PRKG1: variants seen among roughly 807,000 people sequenced by gnomAD.
PRKG1 encodes cGMP-dependent protein kinase 1.
PRKG1 carries 35 observed loss-of-function variants against 88.1 expected under a neutral mutation model. That is an observed-to-expected ratio of 0.40 (90% CI 0.30 to 0.53). The LOEUF (loss-of-function observed/expected upper bound fraction) is 0.53, where lower values mean the gene tolerates loss of function less well. Among genes scored for constraint, PRKG1 ranks in the 20% least tolerant of loss-of-function variants. PRKG1 has a pLI of 0.59. For missense variants in PRKG1, 540 were observed against 839.8 expected (o/e 0.64, Z 4.41); for synonymous variants, 303 against 292.5 (o/e 1.04, Z -0.37).
intron 3 of PRKG1, among the ~76,000 whole-genome samples, chr10:51,745,894 G>T (rs577172748): frequency 6.6e-6 from 1 of 152,210 alleles, no homozygotes; most frequent in South Asian, 2.1e-4. Context: ...ACCCAGGCTG[G>T]AGTGCAATGG....
At chr10:52,239,318 T>C (rs1289442642) in intron 9 of PRKG1, among the ~76,000 whole-genome samples, 2 of 128,924 alleles carry the variant, frequency 1.6e-5, no homozygotes, top group African/African-American at 2.8e-5. Context: ...ACTTAAAGTA[T>C]AATAAAAAAA....
At chr10:51,765,179 G>T (rs1050509528) in intron 3 of PRKG1, among the ~76,000 whole-genome samples, 1 of 152,098 alleles carries the variant, frequency 6.6e-6, no homozygotes, top group Non-Finnish European at 1.5e-5. Flanking sequence ...CTTTTAGAGG[G>T]TATACCTTAA....
At chr10:51,145,024 A>G (rs1360585209) in intron 1 of PRKG1, among the ~76,000 whole-genome samples, 7 of 82,642 alleles carry the variant, frequency 8.5e-5, no homozygotes, top group Admixed American at 7.3e-4. Context: ...GTCAACAAGC[A>G]TCTTAACAGA....
At chr10:51,204,015 G>T (rs966156930) in intron 2 of PRKG1, among the ~76,000 whole-genome samples, 1 of 152,118 alleles carries the variant, frequency 6.6e-6, no homozygotes, top group Non-Finnish European at 1.5e-5. Context: ...GGAAAGAAAA[G>T]ATTTATTGGA....
chr10:51,526,188 A>G (rs1841879720), intron 3 of PRKG1, among the ~76,000 whole-genome samples: 1 of 152,214 alleles, frequency 6.6e-6, no homozygotes, highest in Non-Finnish European at 1.5e-5. Flanking sequence ...AAAAACATAC[A>G]AATCCAATTT....
intron 2 of PRKG1, among the ~76,000 whole-genome samples, chr10:51,249,311 A>G (rs957292534): frequency 3.3e-5 from 5 of 151,910 alleles, no homozygotes; most frequent in Admixed American, 2.0e-4. Context: ...ATATTATAGA[A>G]TTATCAACAT....
At chr10:52,006,290 C>T (rs773643176) in intron 5 of PRKG1, among the ~76,000 whole-genome samples, 3 of 151,770 alleles carry the variant, frequency 2.0e-5, no homozygotes, top group Non-Finnish European at 4.4e-5. Context: ...CTGAAATGGC[C>T]GAAGTGACAG....
chr10:51,272,847 C>A (rs1840017483), intron 2 of PRKG1, among the ~76,000 whole-genome samples: 1 of 152,134 alleles, frequency 6.6e-6, no homozygotes, highest in Non-Finnish European at 1.5e-5. Context: ...TAGGATCCAT[C>A]TGAGAATGAA....
At chr10:51,595,746 C>A (rs1187507165) in intron 3 of PRKG1, among the ~76,000 whole-genome samples, 1 of 152,150 alleles carries the variant, frequency 6.6e-6, no homozygotes, top group Non-Finnish European at 1.5e-5. Flanking sequence ...TAAACCTTTT[C>A]TGACCTCCCA....
intron 2 of PRKG1, among the ~76,000 whole-genome samples, chr10:51,393,849 G>A (rs1385904466): frequency 6.6e-6 from 1 of 152,112 alleles, no homozygotes; most frequent in Admixed American, 6.5e-5. Context: ...AAATGATCTT[G>A]AGAGTCACAC....
At chr10:51,417,638 T>A (rs1838280200) in intron 2 of PRKG1, among the ~76,000 whole-genome samples, 1 of 152,192 alleles carries the variant, frequency 6.6e-6, no homozygotes, top group Non-Finnish European at 1.5e-5. Flanking sequence ...TATATATCAT[T>A]ATTAAACGTG....
intron 3 of PRKG1, among the ~76,000 whole-genome samples, chr10:51,623,695 T>C (rs962677210): frequency 1.3e-5 from 2 of 152,076 alleles, no homozygotes; most frequent in Non-Finnish European, 2.9e-5. Context: ...GTCGATGGAG[T>C]AGACAAGTGG....
intron 5 of PRKG1, among the ~76,000 whole-genome samples, chr10:51,931,357 T>TGC (rs1842691701): frequency 2.0e-5 from 3 of 151,982 alleles, no homozygotes; most frequent in Admixed American, 6.6e-5. Context: ...CTTATTTCCA[T>TGC]AATTCCAGTG....
chr10:51,002,364 C>T (rs1842898745), intron 1 of PRKG1, among the ~76,000 whole-genome samples: 1 of 152,084 alleles, frequency 6.6e-6, no homozygotes, highest in Admixed American at 6.6e-5. Context: ...TTAATTAAAT[C>T]TTAATGTGGC....
At chr10:52,036,136 C>A (rs34059659) in intron 5 of PRKG1, among the ~76,000 whole-genome samples, 1 of 151,880 alleles carries the variant, frequency 6.6e-6, no homozygotes, top group African/African-American at 2.4e-5. Flanking sequence ...TGAAGCTTTG[C>A]GGCAGTACAG....
intron 5 of PRKG1, among the ~76,000 whole-genome samples, chr10:51,983,990 C>T (rs1844084826): frequency 6.6e-6 from 1 of 152,152 alleles, no homozygotes; most frequent in African/African-American, 2.4e-5. Context: ...ATTTGAAATG[C>T]AATTGGCCAT....
intron 3 of PRKG1, among the ~76,000 whole-genome samples, chr10:51,536,428 A>T (rs1040676115): frequency 2.6e-5 from 4 of 151,790 alleles, no homozygotes; most frequent in Non-Finnish European, 1.5e-5. Context: ...TAGCTTCTGG[A>T]TATTAGAGCT....
At chr10:51,653,065 T>G (rs1428729070) in intron 3 of PRKG1, among the ~76,000 whole-genome samples, 1 of 152,218 alleles carries the variant, frequency 6.6e-6, no homozygotes, top group Non-Finnish European at 1.5e-5. Context: ...TAAAACCAAA[T>G]AGTATTTCAT....
At chr10:51,404,399 C>A (rs1230211907) in intron 2 of PRKG1, among the ~76,000 whole-genome samples, 1 of 152,140 alleles carries the variant, frequency 6.6e-6, no homozygotes, top group African/African-American at 2.4e-5. Context: ...GTTACAGAGG[C>A]CAAAATGTTT....
Sources: allele counts gnomAD v4.1 joint callset (sites outside exome capture counted in the v4.1 genomes callset), GRCh38; gene constraint gnomAD v4.1.1; transcripts MANE v1.5; gene names NCBI Gene and HGNC (gene_info 2026-07-23, HGNC 2026-07-21).